AFG1L: variants seen among roughly 807,000 people sequenced by gnomAD.
AFG1L encodes AFG1-like ATPase.
Under a neutral mutation model 62.2 loss-of-function variants are expected in AFG1L, and 53 were observed. That is an observed-to-expected ratio of 0.85 (90% confidence interval 0.68 to 1.07). The LOEUF (loss-of-function observed/expected upper bound fraction) is 1.07. Ranked by LOEUF, AFG1L falls within the 50% of genes least tolerant of loss-of-function variation. The pLI, the probability that AFG1L is intolerant of heterozygous loss-of-function variation, is 0.00. For missense variants in AFG1L, 555 were observed against 590.5 expected (o/e 0.94, Z 0.62); for synonymous variants, 228 against 210.3 (o/e 1.08, Z -0.73).
At position 108,399,174 on chromosome 6, in the gene AFG1L, G is replaced by GTTTTTT. The variant is rs1424528059; in HGVS notation, c.749-2819_749-2818insTTTTTT. On this transcript the variant is annotated intron_variant, in intron 6 of 12. Transcript: ENST00000368977. ...ATTGCAAAGATCTGTCACTTCTTTT[G>GTTTTTT]TTTGTTTTTTTTTTTTTTTTTTTTT... Among the ~76,000 whole-genome samples the GTTTTTT allele has an allele frequency of 3.5e-4, 18 of 51,402 alleles. 4 individuals carry two copies. The highest frequency in any genetic ancestry group is 1.3e-3 in the African/African-American group (15 of 11,940). 33.7% of individuals were successfully genotyped at this position (51,402 alleles called of 152,430 possible).
intron 6 of AFG1L, among the ~76,000 whole-genome samples, chr6:108,366,784 A>G (rs1779781606): frequency 6.6e-6 from 1 of 152,210 alleles, no homozygotes; most frequent in African/African-American, 2.4e-5. Context: ...GTGGCTTATT[A>G]GGAAAGTACT....
At chr6:108,424,297 A>G (rs1029374757) in intron 7 of AFG1L, among the ~76,000 whole-genome samples, 9 of 152,062 alleles carry the variant, frequency 5.9e-5, no homozygotes, top group Non-Finnish European at 1.0e-4. Flanking sequence ...TAAGTTTCAG[A>G]AGTTTACTTA....
At chr6:108,339,285 C>T (rs1778588710) in intron 2 of AFG1L, among the ~76,000 whole-genome samples, 1 of 151,500 alleles carries the variant, frequency 6.6e-6, no homozygotes, top group Non-Finnish European at 1.5e-5. Flanking sequence ...GGACTACAGG[C>T]ACGTGCCACC....
At chr6:108,476,526 C>G (rs563579067) in intron 8 of AFG1L, among the ~76,000 whole-genome samples, 1 of 152,258 alleles carries the variant, frequency 6.6e-6, no homozygotes, top group East Asian at 1.9e-4. Flanking sequence ...GCTTGACTGC[C>G]TTGTCTATTT....
chr6:108,325,510 G>A (rs1248615666), intron 2 of AFG1L, among the ~76,000 whole-genome samples: 2 of 151,242 alleles, frequency 1.3e-5, no homozygotes, highest in Admixed American at 1.3e-4. Context: ...TTTATAGATG[G>A]ATTTTTGCTC....
chr6:108,362,278 A>AT (rs1472527716), intron 5 of AFG1L, among the ~76,000 whole-genome samples: 3 of 151,658 alleles, frequency 2.0e-5, no homozygotes, highest in Non-Finnish European at 2.9e-5. Flanking sequence ...AATATGGTTG[A>AT]TTTTTTTTCA....
intron 1 of AFG1L, among the ~76,000 whole-genome samples, chr6:108,320,172 A>G (rs1309307993): frequency 6.6e-6 from 1 of 152,214 alleles, no homozygotes; most frequent in Non-Finnish European, 1.5e-5. Context: ...TTGGCAGAAG[A>G]TATTTGACAG....
At chr6:108,435,202 A>G (rs1771250439) in intron 7 of AFG1L, among the ~76,000 whole-genome samples, 1 of 152,178 alleles carries the variant, frequency 6.6e-6, no homozygotes, top group African/African-American at 2.4e-5. Context: ...AACGATTATA[A>G]ACCAGAAGGG....
intron 11 of AFG1L, among the ~76,000 whole-genome samples, chr6:108,512,428 G>A (rs543363411): frequency 5.9e-5 from 9 of 152,186 alleles, no homozygotes; most frequent in Non-Finnish European, 1.3e-4. Flanking sequence ...AGAGCTGGGG[G>A]ATGGAGGCCC....
At chr6:108,513,126 T>C (rs1156688779) in intron 11 of AFG1L, among the ~76,000 whole-genome samples, 2 of 152,168 alleles carry the variant, frequency 1.3e-5, no homozygotes, top group Non-Finnish European at 2.9e-5. Context: ...GAATATGTTT[T>C]GTATGGTGGA....
intron 11 of AFG1L, among the ~76,000 whole-genome samples, chr6:108,512,424 G>A (rs1368015536): frequency 6.6e-6 from 1 of 152,160 alleles, no homozygotes; most frequent in East Asian, 1.9e-4. Flanking sequence ...ACACAGAGCT[G>A]GGGGATGGAG....
intron 3 of AFG1L, 57 bp downstream of exon 3, chr6:108,347,096 C>T: frequency 7.4e-7 from 1 of 1,356,900 alleles, no homozygotes; most frequent in South Asian, 1.2e-5. Flanking sequence ...TCAGCTTTCT[C>T]TCAGGGATGA....
At chr6:108,313,713 T>C (rs190611019) in intron 1 of AFG1L, among the ~76,000 whole-genome samples, 315 of 152,178 alleles carry the variant, frequency 2.1e-3, no homozygotes, top group African/African-American at 7.3e-3. Context: ...CTAAGTTTTG[T>C]ATTTTTTGTA....
intron 8 of AFG1L, among the ~76,000 whole-genome samples, chr6:108,469,311 T>C (rs985881489): frequency 1.3e-5 from 2 of 152,120 alleles, no homozygotes; most frequent in Non-Finnish European, 2.9e-5. Context: ...GCTGAAAAGG[T>C]ACAGATTGTT....
chr6:108,422,794 T>C (rs1000985211), intron 7 of AFG1L, among the ~76,000 whole-genome samples: 3 of 152,092 alleles, frequency 2.0e-5, no homozygotes, highest in African/African-American at 7.2e-5. Flanking sequence ...CCTTAATGTG[T>C]AATCTGTGAA....
At chr6:108,485,975 A>C (rs1262855896) in intron 10 of AFG1L, among the ~76,000 whole-genome samples, 3 of 151,912 alleles carry the variant, frequency 2.0e-5, no homozygotes, top group Non-Finnish European at 4.4e-5. Context: ...GCCCATGGTC[A>C]TTAATTTTTT....
At chr6:108,306,535 A>T (rs573025504) in intron 1 of AFG1L, among the ~76,000 whole-genome samples, 1 of 152,344 alleles carries the variant, frequency 6.6e-6, no homozygotes, top group South Asian at 2.1e-4. Flanking sequence ...TTTTCAAAGT[A>T]TTGGGTGCCA....
intron 7 of AFG1L, among the ~76,000 whole-genome samples, chr6:108,405,482 G>A (rs974935748): frequency 5.3e-5 from 8 of 152,052 alleles, no homozygotes; most frequent in African/African-American, 1.9e-4. Context: ...GAGTAGCTGG[G>A]ACTATAGGCG....
chr6:108,347,739 C>G (rs1778916093), intron 3 of AFG1L, among the ~76,000 whole-genome samples: 1 of 152,224 alleles, frequency 6.6e-6, no homozygotes, highest in Admixed American at 6.5e-5. Flanking sequence ...CTTGGCCACC[C>G]TCAGCCACTG....
Sources: allele counts gnomAD v4.1 joint callset (sites outside exome capture counted in the v4.1 genomes callset), GRCh38; gene constraint gnomAD v4.1.1; transcripts MANE v1.5; gene names NCBI Gene and HGNC (gene_info 2026-07-23, HGNC 2026-07-21).